The following EPB41L2 variants were observed in gnomAD, a reference collection of about 807,000 sequenced individuals.
The protein encoded by EPB41L2 is band 4.1-like protein 2.
In EPB41L2, 43 loss-of-function variants were observed where a neutral mutation model predicts 113.0. The observed-to-expected ratio is 0.38, with a 90% confidence interval of 0.30 to 0.49. EPB41L2 has a LOEUF of 0.49. EPB41L2 is among the 20% of genes least tolerant of loss of function. The pLI, the probability that EPB41L2 is intolerant of heterozygous loss-of-function variation, is 0.95. For synonymous variants in EPB41L2, 442 were observed against 436.7 expected, an observed-to-expected ratio of 1.01 and a Z score of -0.15; for missense variants, 1,147 against 1,223.4, an observed-to-expected ratio of 0.94 and a Z score of 0.93.
chr6:130,996,400 G>A (rs953316643), intron 1 of EPB41L2, among the ~76,000 whole-genome samples: 2 of 152,184 alleles, frequency 1.3e-5, no homozygotes, highest in Non-Finnish European at 2.9e-5. Context: ...CCTCCAGGAC[G>A]GGTCAGGGCT....
intron 5 of EPB41L2, among the ~76,000 whole-genome samples, chr6:130,906,014 A>G (rs1220247234): frequency 6.6e-6 from 1 of 152,180 alleles, no homozygotes; most frequent in African/African-American, 2.4e-5. Flanking sequence ...AAACATAATA[A>G]TGGGATATAA....
intron 10 of EPB41L2, among the ~76,000 whole-genome samples, chr6:130,893,219 A>T (rs1489868620): frequency 6.6e-6 from 1 of 152,224 alleles, no homozygotes; most frequent in Non-Finnish European, 1.5e-5. Flanking sequence ...TGGCCAAAGA[A>T]CCTAAAGGTA....
chr6:130,956,317 T>C lies in EPB41L2; in HGVS notation c.169A>G (p.Ser57Gly). The C allele has an allele frequency of 6.2e-7, 1 of 1,614,194 alleles. No individual in the cohort carries two copies. Among genetic ancestry groups the C allele is most frequent in the Non-Finnish European group, 8.5e-7 (1 of 1,180,030 alleles). Residue 57 changes from serine (S) to glycine (G), a missense_variant, in exon 2 of 20, where the codon AGT (serine) becomes GGT (glycine). Transcript: ENST00000337057. ...SQPPPAAESQ[S>G]SLRRQKREKE... is the part of the protein sequence containing the mutation. Reference sequence around the variant, plus strand: ...TCTCTCTTCTGGCGGCGTAGACTACTTTGGCTTTCAGCTGCAGGAGGTGGC... The same window carrying C: ...TCTCTCTTCTGGCGGCGTAGACTACCTTGGCTTTCAGCTGCAGGAGGTGGC...
Position 130,974,717 on chromosome 6 carries a change from C to CTTTTTTTTTTTTTTTT in EPB41L2, c.-14-18234_-14-18219dup, listed in dbSNP as rs71030723. Among the ~76,000 whole-genome samples the CTTTTTTTTTTTTTTTT allele has an allele frequency of 3.2e-3, 207 of 64,652 alleles. 21 individuals are homozygous for CTTTTTTTTTTTTTTTT. The highest frequency in any genetic ancestry group is 4.0e-3 in the Non-Finnish European group (147 of 36,694). The allele number at this position is 64,652 out of a possible 152,430, so 42.4% of individuals were successfully genotyped here. A position where few individuals can be genotyped will look rare whatever the true frequency, so the allele number is the denominator to read the frequency against. Reference sequence around the variant, plus strand: ...GGCAGCCTCTTTTTTCTTTTCTTTTCTTTTTTTTTTTTTTTTTTTTTTTTT... The same window carrying CTTTTTTTTTTTTTTTT: ...GGCAGCCTCTTTTTTCTTTTCTTTTCTTTTTTTTTTTTTTTTTTTTTTTTTTTTTTTTTTTTTTTTT... On this transcript the variant is annotated intron_variant, in intron 1 of 19. Coordinates refer to ENST00000337057, the MANE Select transcript of EPB41L2 (RefSeq NM_001431.4).
intron 1 of EPB41L2, among the ~76,000 whole-genome samples, chr6:131,045,634 A>G (rs1795302874): frequency 6.6e-6 from 1 of 152,086 alleles, no homozygotes; most frequent in Non-Finnish European, 1.5e-5. Context: ...AGACTCAAAG[A>G]CTTTCAATGA....
intron 12 of EPB41L2, among the ~76,000 whole-genome samples, chr6:130,884,633 A>G (rs1162735831): frequency 6.6e-6 from 1 of 152,242 alleles, no homozygotes; most frequent in Non-Finnish European, 1.5e-5. Context: ...CTCACTCTCT[A>G]TTCACAAAAC....
At chr6:131,007,279 G>A (rs775507891) in intron 1 of EPB41L2, among the ~76,000 whole-genome samples, 9 of 152,084 alleles carry the variant, frequency 5.9e-5, no homozygotes, top group Admixed American at 1.3e-4. Flanking sequence ...TTCCCCCTTC[G>A]CTCAGCACTC....
chr6:130,972,532 A>C (rs1777097059), intron 1 of EPB41L2, among the ~76,000 whole-genome samples: 1 of 151,230 alleles, frequency 6.6e-6, no homozygotes, highest in Non-Finnish European at 1.5e-5. Flanking sequence ...TTACATTTCC[A>C]CAATTTAAAT....
rs2076296269 is a variant in EPB41L2 at position 130,899,499 on chromosome 6, G to A, written c.1228C>T (p.His410Tyr). 1.9e-6 allele frequency: 3 copies of A among 1,613,338 alleles called. No homozygotes were observed. Among genetic ancestry groups the A allele is most frequent in the Middle Eastern group, 1.7e-4 (1 of 6,060 alleles). Residue 410 changes from histidine to tyrosine, a missense_variant, in exon 8 of 20, where the codon CAT becomes TAT. By Grantham distance (83) the His-to-Tyr change is moderately conservative. Transcript: ENST00000337057. ...RLSMYGVDLHHAKDSEGVDIK... is the reference protein window; with the variant it reads ...RLSMYGVDLHYAKDSEGVDIK... ...CGTTACATTTACAGTACCTTGGCAT[G>A]ATGTAGGTCAACACCATACATGGAA...
At chr6:130,865,389 C>A (rs1783399063) in intron 17 of EPB41L2, 147 bp downstream of exon 17, 1 of 727,658 alleles carries the variant, frequency 1.4e-6, no homozygotes. Flanking sequence ...AGCCTAATTT[C>A]TTGGATACTT....
intron 1 of EPB41L2, among the ~76,000 whole-genome samples, chr6:130,974,003 G>T (rs1464170840): frequency 6.6e-6 from 1 of 151,982 alleles, no homozygotes; most frequent in Non-Finnish European, 1.5e-5. Flanking sequence ...TCCATCCTAC[G>T]CATTTCTTAA....
chr6:130,973,535 T>G (rs2128661544), intron 1 of EPB41L2, among the ~76,000 whole-genome samples: 1 of 151,176 alleles, frequency 6.6e-6, no homozygotes, highest in Non-Finnish European at 1.5e-5. Flanking sequence ...GAAAGGAAAA[T>G]AAATCTTGAG....
In EPB41L2 at chr6:130,859,734, A is replaced by T. The variant is rs1260080967; in HGVS notation, c.2911-1491T>A. On this transcript the variant is annotated intron_variant, in intron 18 of 19. Coordinates refer to ENST00000337057, the MANE Select transcript of EPB41L2 (RefSeq NM_001431.4). Reference sequence around the variant, plus strand: ...GAAACCCTAAGCCTCGTTTCGTTTAAAAAAAGGTAAAGCTACCAAAAAAAA... The same window carrying T: ...GAAACCCTAAGCCTCGTTTCGTTTATAAAAAGGTAAAGCTACCAAAAAAAA... Among the ~76,000 whole-genome samples, 3 of 146,638 alleles carry T rather than the reference A, an allele frequency of 2.0e-5. No homozygotes were observed. The Admixed American group carries it at 2.1e-4, about 10-fold the overall frequency.
intron 4 of EPB41L2, among the ~76,000 whole-genome samples, chr6:130,914,758 T>TA (rs1192578450): frequency 1.3e-5 from 2 of 151,942 alleles, no homozygotes; most frequent in Admixed American, 6.6e-5. Flanking sequence ...CTTGTTTTAT[T>TA]AAAAAAAATA....
Position 130,863,726 on chromosome 6 carries a change from T to C in EPB41L2, c.2830-8A>G. 6.2e-7 allele frequency: 1 copy of C among 1,606,616 alleles called. No homozygotes were observed. The highest frequency in any genetic ancestry group is 8.5e-7 in the Non-Finnish European group (1 of 1,173,928). ...AATTCCACCTTTTACAGTCTAAAGG[T>C]CATAAAGGAGAAGAAGAAAAAACAG... On this transcript the variant is annotated splice_polypyrimidine_tract_variant and splice_region_variant and intron_variant, in intron 17 of 19. Coordinates refer to ENST00000337057, the MANE Select transcript of EPB41L2 (RefSeq NM_001431.4).
intron 13 of EPB41L2, 101 bp from the exon 14 acceptor site, chr6:130,878,351 TAAAAA>T: frequency 8.4e-7 from 1 of 1,196,886 alleles, no homozygotes. Flanking sequence ...AACTTACGAT[TAAAAA>T]AAAAACCATA....
chr6:131,019,154 T>G (rs903143441), intron 1 of EPB41L2, among the ~76,000 whole-genome samples: 16 of 152,188 alleles, frequency 1.1e-4, no homozygotes, highest in African/African-American at 3.4e-4. Flanking sequence ...CAATGAACAT[T>G]TCTCCATTTA....
chr6:130,981,658 T>C (rs1489416109), intron 1 of EPB41L2, among the ~76,000 whole-genome samples: 1 of 152,194 alleles, frequency 6.6e-6, no homozygotes, highest in African/African-American at 2.4e-5. Context: ...ACTGACTCAA[T>C]AGCAGTTCTT....
At chr6:130,896,089 A>C (rs1583191989) in intron 8 of EPB41L2, among the ~76,000 whole-genome samples, 1 of 152,202 alleles carries the variant, frequency 6.6e-6, no homozygotes, top group Admixed American at 6.5e-5. Context: ...AACAAACCCC[A>C]TATTTAGTCT....
Sources: allele counts gnomAD v4.1 joint callset (sites outside exome capture counted in the v4.1 genomes callset), GRCh38; gene constraint gnomAD v4.1.1; transcripts MANE v1.5; gene names NCBI Gene and HGNC (gene_info 2026-07-23, HGNC 2026-07-21).